The following TTC23L variants were observed in gnomAD, a reference collection of about 807,000 sequenced individuals.
TTC23L encodes tetratricopeptide repeat protein 23-like.
In TTC23L, 42 loss-of-function variants were observed where a neutral mutation model predicts 48.1. That is an observed-to-expected ratio of 0.87 (90% CI 0.68 to 1.13). The LOEUF (loss-of-function observed/expected upper bound fraction) is 1.13, where lower values mean the gene tolerates loss of function less well. Ranked by LOEUF, TTC23L falls within the 50% of genes most tolerant of loss-of-function variation. The pLI is 0.00. For missense variants in TTC23L, 391 were observed against 421.0 expected (o/e 0.93, Z 0.62); for synonymous variants, 159 against 157.2 (o/e 1.01, Z -0.09).
At chr5:34,871,550 G>A (rs1761469417) in intron 8 of TTC23L, among the ~76,000 whole-genome samples, 1 of 152,150 alleles carries the variant, frequency 6.6e-6, no homozygotes, top group Non-Finnish European at 1.5e-5. Flanking sequence ...TAGACAAGCT[G>A]ACTAACATTT....
chr5:34,843,401 A>G (rs1758857612), intron 2 of TTC23L, among the ~76,000 whole-genome samples: 1 of 152,174 alleles, frequency 6.6e-6, no homozygotes, highest in South Asian at 2.1e-4. Context: ...CTTCTATAAC[A>G]TGATGTTCAA....
the TTC23L span, chr5:34,923,282 A>T: frequency 7.2e-7 from 1 of 1,390,176 alleles, no homozygotes; most frequent in Non-Finnish European, 1.0e-6. Flanking sequence ...AATTGAGTTT[A>T]TTTATTTATG....
At chr5:34,881,320 A>G (rs569632731) in intron 9 of TTC23L, among the ~76,000 whole-genome samples, 2 of 152,344 alleles carry the variant, frequency 1.3e-5, no homozygotes, top group South Asian at 4.1e-4. Context: ...TTAAAAAGTT[A>G]TAGAGAATAA....
chr5:34,887,866 A>G (rs1176312109), intron 9 of TTC23L, among the ~76,000 whole-genome samples: 1 of 152,240 alleles, frequency 6.6e-6, no homozygotes, highest in African/African-American at 2.4e-5. Context: ...ACCATAGCAT[A>G]TACATTGTAA....
At chr5:34,914,562 A>G in the TTC23L span, 3 of 795,928 alleles carry the variant, frequency 3.8e-6, no homozygotes, top group Non-Finnish European at 5.9e-6. Context: ...TTATTTATTT[A>G]TTAAGTTATT....
the TTC23L span, chr5:34,906,018 A>C: frequency 6.6e-6 from 1 of 151,992 alleles, no homozygotes; most frequent in Non-Finnish European, 1.5e-5. Context: ...GCAATGGTGC[A>C]ATCTCGGCTC....
chr5:34,852,927 G>A (rs1008577071), intron 4 of TTC23L, among the ~76,000 whole-genome samples: 5 of 152,130 alleles, frequency 3.3e-5, no homozygotes, highest in South Asian at 2.1e-4. Context: ...CAGAGGAACT[G>A]CCGTTTATAA....
At chr5:34,842,590 AG>A (rs768734896) in intron 2 of TTC23L, among the ~76,000 whole-genome samples, 3 of 152,220 alleles carry the variant, frequency 2.0e-5, no homozygotes, top group South Asian at 2.1e-4. Context: ...GATGGTGAGA[AG>A]GGGGGTGGAA....
At chr5:34,897,659 T>A (rs1763317967) in intron 10 of TTC23L, among the ~76,000 whole-genome samples, 1 of 152,148 alleles carries the variant, frequency 6.6e-6, no homozygotes, top group Non-Finnish European at 1.5e-5. Context: ...GTATTTTACA[T>A]ACCTAAAGTC....
chr5:34,839,704 A>G lies in TTC23L; in HGVS notation c.-8+445A>G, dbSNP rs184292946. The G allele has an allele frequency of 3.7e-4, 362 of 978,044 alleles. 2 individuals are homozygous for G. In the African/African-American group the frequency reaches 5.8e-3, roughly 16 times the overall value. The allele number at this position is 978,044 out of a possible 1,614,324, so 60.6% of individuals were successfully genotyped here. A position where few individuals can be genotyped will look rare whatever the true frequency, so the allele number is the denominator to read the frequency against. On this transcript the variant is annotated intron_variant, in intron 1 of 10. Coordinates refer to ENST00000505624, the Ensembl canonical transcript of TTC23L. The stretch of plus-strand genomic sequence containing the variant: ...TGGGAATTAGTGATTCTGGAGGGTG[A>G]AAGGAGAGGCGACTTGGTGGATGTT...
At chr5:34,859,023 G>C in intron 4 of TTC23L, among the ~76,000 whole-genome samples, 1 of 152,174 alleles carries the variant, frequency 6.6e-6, no homozygotes, top group Admixed American at 6.5e-5. Context: ...TTTGCAGGGA[G>C]GGTGCAGGCT....
chr5:34,925,207 C>G, the TTC23L span: 1 of 1,357,592 alleles, frequency 7.4e-7, no homozygotes, highest in South Asian at 1.5e-5. Flanking sequence ...AGCATCTAAT[C>G]TTTTTTTTTT....
intron 1 of TTC23L, 194 bp downstream of exon 1, chr5:34,839,453 T>G (rs1236255771): frequency 1.7e-5 from 3 of 181,240 alleles, no homozygotes; most frequent in Non-Finnish European, 2.1e-5. Context: ...CTTACAGACT[T>G]GCCGCAGAAC....
intron 2 of TTC23L, among the ~76,000 whole-genome samples, chr5:34,841,930 T>C (rs1292260622): frequency 2.0e-5 from 3 of 152,186 alleles, no homozygotes; most frequent in African/African-American, 7.2e-5. Context: ...TGTAGGATTT[T>C]TAGCAGCATC....
the TTC23L span, chr5:34,925,479 G>A: frequency 6.2e-7 from 1 of 1,610,000 alleles, no homozygotes; most frequent in Non-Finnish European, 8.5e-7. Flanking sequence ...AGGATGGACA[G>A]TGGGAAAACA....
chr5:34,923,437 C>T, the TTC23L span: 3 of 565,786 alleles, frequency 5.3e-6, no homozygotes, highest in Non-Finnish European at 9.5e-6. Context: ...ATCATCACGC[C>T]TGGCTAATTT....
chr5:34,839,488 C>A, intron 1 of TTC23L: 1 of 269,710 alleles, frequency 3.7e-6, no homozygotes, highest in East Asian at 1.8e-4. Flanking sequence ...AGGAGCGATT[C>A]GTCCTTGAGG....
chr5:34,843,563 T>C (rs1204179654), intron 2 of TTC23L, among the ~76,000 whole-genome samples: 1 of 152,252 alleles, frequency 6.6e-6, no homozygotes, highest in East Asian at 1.9e-4. Context: ...TTATAATTTT[T>C]ACTATCCATA....
At chr5:34,922,687 T>C in the TTC23L span, 1 of 1,612,780 alleles carries the variant, frequency 6.2e-7, no homozygotes, top group Non-Finnish European at 8.5e-7. Context: ...TTGTTGTAAT[T>C]TTTCTAGTTC....
Sources: allele counts gnomAD v4.1 joint callset (sites outside exome capture counted in the v4.1 genomes callset), GRCh38; gene constraint gnomAD v4.1.1; transcripts MANE v1.5; gene names NCBI Gene and HGNC (gene_info 2026-07-23, HGNC 2026-07-21).